ADAM19: variants seen among roughly 807,000 people sequenced by gnomAD.
The protein encoded by ADAM19 is disintegrin and metalloproteinase domain-containing protein 19.
Under a neutral mutation model 114.7 loss-of-function variants are expected in ADAM19, and 65 were observed. That is an observed-to-expected ratio of 0.57 (90% CI 0.46 to 0.70). The LOEUF is 0.70. Ranked by LOEUF, ADAM19 falls within the 30% of genes least tolerant of loss-of-function variation. The probability of loss-of-function intolerance (pLI) is 0.00; values close to 1 mark genes in which losing one functional copy is unlikely to be tolerated. For synonymous variants in ADAM19, 466 were observed against 460.5 expected (o/e 1.01, Z -0.15); for missense variants, 1,063 against 1,204.7 (o/e 0.88, Z 1.74).
intron 11 of ADAM19, among the ~76,000 whole-genome samples, chr5:157,503,529 A>G (rs1269586675): frequency 6.6e-6 from 1 of 152,072 alleles, no homozygotes; most frequent in Non-Finnish European, 1.5e-5. Flanking sequence ...TAGTGATGAG[A>G]TATTAACCAC....
At chr5:157,520,443 T>C (rs1372346922) in intron 5 of ADAM19, among the ~76,000 whole-genome samples, 7 of 152,090 alleles carry the variant, frequency 4.6e-5, no homozygotes, top group Non-Finnish European at 7.4e-5. Context: ...AACCAAAACA[T>C]GGCATATGAC....
At chr5:157,537,094 A>G (rs1756788259) in intron 4 of ADAM19, among the ~76,000 whole-genome samples, 1 of 152,206 alleles carries the variant, frequency 6.6e-6, no homozygotes, top group Non-Finnish European at 1.5e-5. Flanking sequence ...TAGAATGTAG[A>G]TGCCAGTAGA....
intron 14 of ADAM19, 141 bp downstream of exon 14, chr5:157,496,752 TC>T: frequency 1.5e-6 from 1 of 675,692 alleles, no homozygotes; most frequent in Non-Finnish European, 2.3e-6. Context: ...TCCCTGAACA[TC>T]TACCCTGAGT....
At chr5:157,560,264 C>CAAAAA (rs35731498) in intron 3 of ADAM19, among the ~76,000 whole-genome samples, 3 of 51,702 alleles carry the variant, frequency 5.8e-5, no homozygotes, top group African/African-American at 1.3e-4. Flanking sequence ...GACTCCGTCT[C>CAAAAA]AAAAAAAAAA....
Position 157,521,676 on chromosome 5 carries a change from C to T in ADAM19, c.408-1645G>A, listed in dbSNP as rs140739321. On this transcript the variant is annotated intron_variant, in intron 5 of 22. Coordinates refer to ENST00000257527, the MANE Select transcript of ADAM19 (RefSeq NM_033274.5). Reference sequence around the variant, plus strand: ...AGCAGTACCCAATCACCCCCTCTGACGGACATCTAAGGTACTCCCTGAACA... The same window carrying T: ...AGCAGTACCCAATCACCCCCTCTGATGGACATCTAAGGTACTCCCTGAACA... 5.8e-3 allele frequency among the ~76,000 whole-genome samples: 885 copies of T among 152,290 alleles called. 3 individuals are homozygous for T. Among genetic ancestry groups the T allele is most frequent in the Admixed American group, 0.011 (174 of 15,300 alleles).
chr5:157,572,030 C>T (rs1038323557), intron 1 of ADAM19, among the ~76,000 whole-genome samples: 2 of 152,192 alleles, frequency 1.3e-5, no homozygotes, highest in African/African-American at 4.8e-5. Context: ...AATCACTCTC[C>T]CAAACCAGTT....
chr5:157,529,977 A>AGTACATCTCCCAGAGAAGAACTGAGGAG (rs1756578147), intron 5 of ADAM19, among the ~76,000 whole-genome samples: 1 of 152,120 alleles, frequency 6.6e-6, no homozygotes, highest in African/African-American at 2.4e-5. Flanking sequence ...ACCACCTCCA[A>AGTACATCTCCCAGAGAAGAACTGAGGAG]GTACATCTCC....
chr5:157,488,232 T>C, intron 21 of ADAM19, 33 bp downstream of exon 21: 1 of 1,594,080 alleles, frequency 6.3e-7, no homozygotes, highest in Non-Finnish European at 8.6e-7. Flanking sequence ...AAAAGCAATG[T>C]TCCCAGCCCA....
intron 1 of ADAM19, chr5:157,572,200 C>T (rs1238058349): frequency 9.2e-6 from 4 of 434,140 alleles, no homozygotes; most frequent in Non-Finnish European, 1.8e-5. Context: ...ATTCTCCTGC[C>T]TCAGCCTCCC....
intron 3 of ADAM19, among the ~76,000 whole-genome samples, chr5:157,553,904 T>G (rs1345488265): frequency 6.6e-6 from 1 of 152,212 alleles, no homozygotes; most frequent in African/African-American, 2.4e-5. Context: ...ACCATGCATT[T>G]AAAAACTCTA....
intron 3 of ADAM19, among the ~76,000 whole-genome samples, chr5:157,540,208 C>A (rs1018037565): frequency 6.6e-6 from 1 of 152,164 alleles, no homozygotes; most frequent in Non-Finnish European, 1.5e-5. Flanking sequence ...CAGAAGAACC[C>A]AGAAAGTTTC....
intron 5 of ADAM19, among the ~76,000 whole-genome samples, chr5:157,525,686 G>A (rs1051544358): frequency 6.8e-6 from 1 of 146,002 alleles, no homozygotes; most frequent in Non-Finnish European, 1.5e-5. Context: ...AATGGGGAGA[G>A]GAAAACACAG....
chr5:157,509,736 G>A (rs1755857545), intron 8 of ADAM19, among the ~76,000 whole-genome samples: 1 of 152,202 alleles, frequency 6.6e-6, no homozygotes, highest in South Asian at 2.1e-4. Context: ...GAGAGAGCAG[G>A]ACATTCTGGT....
At chr5:157,571,937 C>T (rs571958026) in intron 1 of ADAM19, among the ~76,000 whole-genome samples, 4 of 152,336 alleles carry the variant, frequency 2.6e-5, no homozygotes, top group South Asian at 2.1e-4. Flanking sequence ...CCTCCTACTC[C>T]GCAGAGCATC....
At chr5:157,569,739 T>C (rs751009599) in intron 2 of ADAM19, among the ~76,000 whole-genome samples, 33 of 152,206 alleles carry the variant, frequency 2.2e-4, no homozygotes, top group Non-Finnish European at 3.7e-4. Context: ...TTTCCTGCTA[T>C]AATCTTGCTC....
Position 157,480,991 on chromosome 5 carries a change from G to A in ADAM19, c.2715C>T (p.Tyr905=). The change falls in exon 23 of 23, where the codon TAC becomes TAT. Residue 905 remains tyrosine (Y), a synonymous_variant. Coordinates refer to ENST00000257527, the MANE Select transcript of ADAM19 (RefSeq NM_033274.5). ...LAALAPKFPE[Y]RSQRAGGMIS... is the part of the protein sequence containing the mutation. The stretch of plus-strand genomic sequence containing the variant: ...TCATCCCTCCAGCCCTCTGTGATCT[G>A]TATTCTGGAAACTGGGAAGAAAAAG... 1 of 1,614,150 alleles carries A rather than the reference G, an allele frequency of 6.2e-7. No individual in the cohort carries two copies. Among genetic ancestry groups the A allele is most frequent in the Non-Finnish European group, 8.5e-7 (1 of 1,180,016 alleles).
Position 157,537,969 on chromosome 5 carries a change from T to C in ADAM19, c.274A>G (p.Thr92Ala). 1.9e-6 allele frequency: 3 copies of C among 1,614,082 alleles called. No homozygotes were observed. Among genetic ancestry groups the C allele is most frequent in the Non-Finnish European group, 2.5e-6 (3 of 1,179,994 alleles). Residue 92 changes from threonine (T) to alanine (A), a missense_variant, in exon 4 of 23, where the codon ACA becomes GCA. Thr to Ala is a moderately conservative substitution (Grantham distance 58). Transcript: ENST00000257527. The stretch of plus-strand genomic sequence containing the variant: ...CCACTTGAAGTATAATGGGTTTCTG[T>C]GTAGGAAGGAGCAAAAAGTTGCCTG... ...KNEQLFAPSY[T>A]ETHYTSSGNP... is the part of the protein sequence containing the mutation.
At chr5:157,496,620 T>C (rs147174349) in intron 14 of ADAM19, among the ~76,000 whole-genome samples, 1 of 152,326 alleles carries the variant, frequency 6.6e-6, no homozygotes, top group African/African-American at 2.4e-5. Flanking sequence ...TTAAGGGCCA[T>C]TTGCATTTGC....
intron 11 of ADAM19, among the ~76,000 whole-genome samples, chr5:157,505,130 AAAAAAAAAAT>A (rs1434866412): frequency 6.6e-6 from 1 of 151,348 alleles, no homozygotes; most frequent in African/African-American, 2.4e-5. Context: ...AAAAAAAAAA[AAAAAAAAAAT>A]TTCCTCATGA....
Sources: allele counts gnomAD v4.1 joint callset (sites outside exome capture counted in the v4.1 genomes callset), GRCh38; gene constraint gnomAD v4.1.1; transcripts MANE v1.5; gene names NCBI Gene and HGNC (gene_info 2026-07-23, HGNC 2026-07-21).